Variants in NFATC4 observed in about 807,000 individuals in gnomAD.
NFATC4 encodes the protein nuclear factor of activated T-cells, cytoplasmic 4.
In NFATC4, 25 loss-of-function variants were observed where a neutral mutation model predicts 73.4. That is an observed-to-expected ratio of 0.34 (90% CI 0.25 to 0.48). NFATC4 has a LOEUF of 0.48. NFATC4 is among the 20% of genes least tolerant of loss of function. NFATC4 has a pLI of 0.99. For missense variants in NFATC4, 1,130 were observed against 1,203.7 expected (o/e 0.94, Z 0.91); for synonymous variants, 523 against 510.3 (o/e 1.02, Z -0.34).
chr14:24,373,806 C>T lies in NFATC4; in HGVS notation c.1671C>T (p.His557=), dbSNP rs767254119. 1.4e-5 allele frequency: 22 copies of T among 1,613,994 alleles called. No homozygotes were observed. The Admixed American group carries it at 2.2e-4, about 16-fold the overall frequency. Residue 557 remains histidine, a synonymous_variant, in exon 5 of 10, where the codon CAC becomes CAT. Transcript: ENST00000250373. This position sits in a 1 kb window ranked among gnomAD's most constrained non-coding sequence, Gnocchi z 4.7. ...NTRVRLVFRV[H]VPQGGGKVVS... is the part of the protein sequence containing the mutation. ...GTGTACGGCTGGTGTTCCGGGTACA[C>T]GTGCCCCAGGGCGGCGGGAAGGTCG... is the stretch of plus-strand genomic sequence containing the variant.
At chr14:24,375,464 A>C (rs1160040033) in intron 6 of NFATC4, among the ~76,000 whole-genome samples, 196 bp from the exon 7 acceptor site, 1 of 152,064 alleles carries the variant, frequency 6.6e-6, no homozygotes, top group East Asian at 1.9e-4. Context: ...TTGCTTCCCT[A>C]TACCTTGAGG....
In NFATC4 at chr14:24,373,520, C is replaced by A; in HGVS notation, c.1559+150C>A. ...GGCCTACCCACCATCTGGAAGAGGA[C>A]TTTTGGGGTTGGGGGTACCCCAGAG... is the stretch of plus-strand genomic sequence containing the variant. On this transcript the variant is annotated intron_variant, in intron 4 of 9. Transcript: ENST00000250373. The surrounding 1 kb of genome is among the most constrained non-coding windows in gnomAD (Gnocchi z 4.7). The A allele has an allele frequency of 7.3e-7, 1 of 1,363,600 alleles. No homozygotes were observed. Among genetic ancestry groups the A allele is most frequent in the Non-Finnish European group, 1.0e-6 (1 of 995,278 alleles). 84.5% of individuals were successfully genotyped at this position (1,363,600 alleles called of 1,614,324 possible).
In NFATC4 at chr14:24,368,362, G is replaced by A; in HGVS notation, c.22G>A (p.Asp8Asn). Residue 8 changes from aspartate (D) to asparagine (N), a missense_variant, in exon 1 of 10, where the codon GAT becomes AAT. By Grantham distance (23) the Asp-to-Asn change is conservative. Around this residue, in one of 3 missense-constraint regions of NFATC4, gnomAD observed 585 missense variants for 574.3 expected, o/e 1.02. Coordinates refer to ENST00000250373, the MANE Select transcript of NFATC4 (RefSeq NM_004554.5). The part of the protein sequence containing the change: MGAASCE[D>N]EELEFKLVFG... The stretch of plus-strand genomic sequence containing the variant: ...ATCCATGGGGGCGGCCAGCTGCGAG[G>A]ATGAGGAGCTGGAATTTAAGCTGGT... 3 of 1,381,756 alleles carry A rather than the reference G, an allele frequency of 2.2e-6. No homozygotes were observed. The highest frequency in any genetic ancestry group is 2.8e-6 in the Non-Finnish European group (3 of 1,069,280). The allele number at this position is 1,381,756 out of a possible 1,614,324, so 85.6% of individuals were successfully genotyped here. A position where few individuals can be genotyped will look rare whatever the true frequency, so the allele number is the denominator to read the frequency against.
chr14:24,367,083 C>T (rs1418219066), upstream of NFATC4: 3 of 1,613,950 alleles, frequency 1.9e-6, no homozygotes, highest in Admixed American at 5.0e-5. Flanking sequence ...TCTCTCCTAC[C>T]CGCCAGCCTC....
Position 24,370,389 on chromosome 14 carries a change from C to A in NFATC4, c.991C>A (p.Arg331=), listed in dbSNP as rs1372739586. The change falls in exon 2 of 10, where the codon CGG becomes AGG. Residue 331 remains arginine, a synonymous_variant. Coordinates refer to ENST00000250373, the MANE Select transcript of NFATC4 (RefSeq NM_004554.5). The part of the protein sequence containing the change: ...PPAESIPQKT[R]RTSSEQAVAL... The stretch of plus-strand genomic sequence containing the variant: ...AGCTGAGAGCATCCCTCAGAAGACA[C>A]GGCGGACTTCCAGCGAGCAGGCAGT... 2 of 1,613,972 alleles carry A rather than the reference C, an allele frequency of 1.2e-6. No individual in the cohort carries two copies. The highest frequency in any genetic ancestry group is 8.5e-7 in the Non-Finnish European group (1 of 1,180,022).
At position 24,377,470 on chromosome 14, in the gene NFATC4, G is replaced by A; in HGVS notation, c.2642-168G>A. Reference sequence around the variant, plus strand: ...TTGGGCAAGATTTGATTCGGAGCAGGTGTCAAGACGTGTTGGGGAAACTGA... The same window carrying A: ...TTGGGCAAGATTTGATTCGGAGCAGATGTCAAGACGTGTTGGGGAAACTGA... On this transcript the variant is annotated intron_variant, in intron 9 of 9. Coordinates refer to ENST00000250373, the MANE Select transcript of NFATC4 (RefSeq NM_004554.5). The surrounding 1 kb of genome is among the most constrained non-coding windows in gnomAD (Gnocchi z 4.2). The A allele has an allele frequency of 6.9e-7, 1 of 1,442,256 alleles. No homozygotes were observed. The highest frequency in any genetic ancestry group is 2.7e-5 in the Admixed American group (1 of 37,006). 89.3% of individuals were successfully genotyped at this position (1,442,256 alleles called of 1,614,324 possible). A position where few individuals can be genotyped will look rare whatever the true frequency, so the allele number is the denominator to read the frequency against.
chr14:24,374,505 G>A (rs1271854945), intron 6 of NFATC4, 39 bp downstream of exon 6: 1 of 1,568,786 alleles, frequency 6.4e-7, no homozygotes, highest in Admixed American at 1.8e-5. Flanking sequence ...GGCAGGGAGA[G>A]CTTGGGAGTG....
intron 1 of NFATC4, 44 bp downstream of exon 1, chr14:24,368,484 G>C (rs777577960): frequency 8.0e-7 from 1 of 1,254,162 alleles, no homozygotes; most frequent in Admixed American, 4.2e-5. Context: ...AGTGAGAGGA[G>C]GGCCGGGGAT....
In NFATC4 at chr14:24,370,272, G is replaced by A. The variant is rs1317600396; in HGVS notation, c.874G>A (p.Glu292Lys). ...TCTGTCCCGCCGTGGCAGCCTGGGG[G>A]AAGAGGGGTCTGAGCCACCTCCACC... ...PALSRRGSLGEEGSEPPPPPP... is the reference protein window; with the variant it reads ...PALSRRGSLGKEGSEPPPPPP... The change falls in exon 2 of 10, where the codon GAA becomes AAA. Residue 292 changes from glutamate to lysine, a missense_variant. By Grantham distance (56) the Glu-to-Lys change is moderately conservative. Coordinates refer to ENST00000250373, the MANE Select transcript of NFATC4 (RefSeq NM_004554.5). The A allele has an allele frequency of 1.2e-6, 2 of 1,612,778 alleles. No homozygotes were observed. Among genetic ancestry groups the A allele is most frequent in the Non-Finnish European group, 8.5e-7 (1 of 1,179,594 alleles).
In NFATC4 at chr14:24,368,311, G is replaced by T. The variant is rs1594697342; in HGVS notation, c.-30G>T. ...CTCCTGAACTCCCCCCTCCCACCCAGGCCGGGACCTGGGGGCTCCTGCCGG... is the reference window on the plus strand; with the variant it reads ...CTCCTGAACTCCCCCCTCCCACCCATGCCGGGACCTGGGGGCTCCTGCCGG... On this transcript the variant is annotated 5_prime_UTR_variant, in exon 1 of 10. The change creates a new upstream start codon in the 5' untranslated region. Coordinates refer to ENST00000250373, the MANE Select transcript of NFATC4 (RefSeq NM_004554.5). The T allele has an allele frequency of 2.2e-6, 3 of 1,387,034 alleles. No homozygotes were observed. In the East Asian group the frequency reaches 9.2e-5, roughly 43 times the overall value. The allele number at this position is 1,387,034 out of a possible 1,614,324, so 85.9% of individuals were successfully genotyped here.
At chr14:24,367,910 G>A (rs2042348780), upstream of NFATC4, 2 of 1,303,880 alleles carry the variant, frequency 1.5e-6, no homozygotes, top group Non-Finnish European at 1.9e-6. Context: ...TGGGGGCTGG[G>A]CTCTCTGCGG....
Position 24,376,751 on chromosome 14 carries a change from G to GGC in NFATC4, c.2515_2516insCG (p.Gly839AlafsTer6). On this transcript the variant is annotated frameshift_variant, in exon 9 of 10. Coordinates refer to ENST00000250373, the MANE Select transcript of NFATC4 (RefSeq NM_004554.5). LOFTEE classifies it high-confidence loss of function. This position sits in a 1 kb window ranked among gnomAD's most constrained non-coding sequence, Gnocchi z 5.0. ...GTGATGTGCATCCCCTACCTGCTGA[G>GGC]GGATACAATAAGGTAGGGCCAGGCT... The GGC allele has an allele frequency of 1.2e-6, 2 of 1,613,982 alleles. No individual in the cohort carries two copies.
In NFATC4 at chr14:24,373,807, G is replaced by C. The variant is rs374808156; in HGVS notation, c.1672G>C (p.Val558Leu). ...TGTACGGCTGGTGTTCCGGGTACACGTGCCCCAGGGCGGCGGGAAGGTCGT... is the reference window on the plus strand; with the variant it reads ...TGTACGGCTGGTGTTCCGGGTACACCTGCCCCAGGGCGGCGGGAAGGTCGT... ...TRVRLVFRVH[V>L]PQGGGKVVSV... is the part of the protein sequence containing the mutation. The change falls in exon 5 of 10, where the codon GTG (valine) becomes CTG (leucine). Residue 558 changes from valine (V) to leucine (L), a missense_variant. This residue lies in a region of NFATC4 where 155 missense variants were observed against 221.2 expected (regional missense o/e 0.70). Coordinates refer to ENST00000250373, the MANE Select transcript of NFATC4 (RefSeq NM_004554.5). The surrounding 1 kb of genome is among the most constrained non-coding windows in gnomAD (Gnocchi z 4.7). The C allele has an allele frequency of 6.2e-7, 1 of 1,614,106 alleles. No homozygotes were observed. The highest frequency in any genetic ancestry group is 1.6e-4 in the Middle Eastern group (1 of 6,062).
chr14:24,372,362 C>T, intron 2 of NFATC4, 79 bp from the exon 3 acceptor site: 7 of 1,456,230 alleles, frequency 4.8e-6, no homozygotes, highest in Non-Finnish European at 6.6e-6. Flanking sequence ...ACCCATACCC[C>T]CTCCTCCCTC....
At position 24,370,691 on chromosome 14, in the gene NFATC4, T is replaced by A. The variant is rs56044944; in HGVS notation, c.1196+97T>A. 4.7e-5 allele frequency: 69 copies of A among 1,464,530 alleles called. No individual in the cohort carries two copies. In the East Asian group the frequency reaches 1.5e-3, roughly 32 times the overall value. 90.7% of individuals were successfully genotyped at this position (1,464,530 alleles called of 1,614,324 possible). On this transcript the variant is annotated intron_variant, in intron 2 of 9. Transcript: ENST00000250373. The stretch of plus-strand genomic sequence containing the variant: ...ATTTGAAGACACTAGTTTCATGCCC[T>A]CTGAATTTCAAAAGAGTATCTGCAA...
chr14:24,374,525 A>G, intron 6 of NFATC4, 59 bp downstream of exon 6: 5 of 1,534,862 alleles, frequency 3.3e-6, no homozygotes, highest in Non-Finnish European at 4.4e-6. Context: ...GGCAGGTGAA[A>G]CATCTCTGGC....
upstream of NFATC4, chr14:24,366,990 G>A: frequency 4.4e-6 from 7 of 1,599,534 alleles, no homozygotes; most frequent in Non-Finnish European, 6.0e-6. Context: ...CCCTGAACCG[G>A]AGGGATTTAG....
Position 24,378,070 on chromosome 14 carries a change from A to G in NFATC4, c.*365A>G. The G allele has an allele frequency of 3.7e-6, 1 of 269,608 alleles. No homozygotes were observed. Among genetic ancestry groups the G allele is most frequent in the Non-Finnish European group, 7.2e-6 (1 of 138,502 alleles). 16.7% of individuals were successfully genotyped at this position (269,608 alleles called of 1,614,324 possible). On this transcript the variant is annotated 3_prime_UTR_variant, in exon 10 of 10. Coordinates refer to ENST00000250373, the MANE Select transcript of NFATC4 (RefSeq NM_004554.5). The stretch of plus-strand genomic sequence containing the variant: ...CAATGACCAGTGCTTCAGGCTCCAG[A>G]GCTCTTTGGAGAGATGGGTTGGGGC...
At position 24,373,948 on chromosome 14, in the gene NFATC4, T is replaced by G. The variant is rs1403727797; in HGVS notation, c.1732+81T>G. 2 of 1,564,468 alleles carry G rather than the reference T, an allele frequency of 1.3e-6. No individual in the cohort carries two copies. The highest frequency in any genetic ancestry group is 1.7e-6 in the Non-Finnish European group (2 of 1,148,058). On this transcript the variant is annotated intron_variant, in intron 5 of 9. Transcript: ENST00000250373. The surrounding 1 kb of genome is among the most constrained non-coding windows in gnomAD (Gnocchi z 4.7). ...TGTGTGTGTCTGTCTGCCCATTCCCTCTGCAGCGTCCTGTGCCCTGTCTGT... is the reference window on the plus strand; with the variant it reads ...TGTGTGTGTCTGTCTGCCCATTCCCGCTGCAGCGTCCTGTGCCCTGTCTGT...
Sources: allele counts gnomAD v4.1 joint callset (sites outside exome capture counted in the v4.1 genomes callset), GRCh38; gene constraint gnomAD v4.1.1; regional missense constraint gnomAD v4.1.1; non-coding constraint Gnocchi (gnomAD v3.1); transcripts MANE v1.5; gene names NCBI Gene and HGNC (gene_info 2026-07-23, HGNC 2026-07-21).